The following NR1I2 variants were observed in gnomAD, a reference collection of about 807,000 sequenced individuals.
The protein encoded by NR1I2 is orphan nuclear receptor PAR1.
Under a neutral mutation model 43.3 loss-of-function variants are expected in NR1I2, and 42 were observed. That is an observed-to-expected ratio of 0.97 (90% CI 0.76 to 1.26). The LOEUF (loss-of-function observed/expected upper bound fraction) is 1.26. Among genes scored for constraint, NR1I2 ranks in the 50% most tolerant of loss-of-function variants. NR1I2 has a pLI of 0.00. For missense variants in NR1I2, 559 were observed against 566.7 expected, an observed-to-expected ratio of 0.99 and a Z score of 0.14; for synonymous variants, 229 against 215.0, an observed-to-expected ratio of 1.06 and a Z score of -0.57.
At chr3:119,802,919 C>T (rs1021090538) in intron 1 of NR1I2, 3 of 456,440 alleles carry the variant, frequency 6.6e-6, no homozygotes, top group African/African-American at 6.0e-5. Flanking sequence ...TTTATGTTTC[C>T]CCCAAATTCG....
At chr3:119,802,932 T>C (rs1184785013) in intron 1 of NR1I2, 1 of 456,554 alleles carries the variant, frequency 2.2e-6, no homozygotes, top group African/African-American at 2.0e-5. Flanking sequence ...CAAATTCGTA[T>C]GTTAAAATCC....
intron 8 of NR1I2, among the ~76,000 whole-genome samples, chr3:119,816,360 T>A (rs2055328100): frequency 1.3e-5 from 2 of 151,966 alleles, no homozygotes; most frequent in South Asian, 4.2e-4. Flanking sequence ...AGACACTAGA[T>A]CCAAAGCTAG....
At chr3:119,807,144 G>T in intron 1 of NR1I2, 85 bp from the exon 2 acceptor site, 1 of 1,198,072 alleles carries the variant, frequency 8.3e-7, no homozygotes, top group South Asian at 1.3e-5. Flanking sequence ...TGTGAGTGAT[G>T]CATAGAAGGG....
chr3:119,802,114 A>T (rs980522825), intron 1 of NR1I2, among the ~76,000 whole-genome samples: 2 of 152,128 alleles, frequency 1.3e-5, no homozygotes, highest in African/African-American at 2.4e-5. Context: ...AAGGGTGTGA[A>T]TCTTTCGGGG....
intron 1 of NR1I2, among the ~76,000 whole-genome samples, chr3:119,804,207 T>A (rs1458991843): frequency 2.7e-5 from 4 of 149,516 alleles, no homozygotes; most frequent in African/African-American, 9.7e-5. Context: ...CTGTCTCTAC[T>A]AAAAAAAATA....
chr3:119,790,462 A>G (rs1037800167), intron 1 of NR1I2, among the ~76,000 whole-genome samples: 3 of 152,130 alleles, frequency 2.0e-5, no homozygotes, highest in Non-Finnish European at 4.4e-5. Context: ...TTCTATTTCA[A>G]TTTTCTGAGA....
Position 119,815,790 on chromosome 3 carries a change from G to T in NR1I2, c.1119G>T (p.Leu373=), listed in dbSNP as rs1324813236. The T allele has an allele frequency of 1.2e-6, 2 of 1,613,568 alleles. No individual in the cohort carries two copies. The highest frequency in any genetic ancestry group is 1.7e-6 in the Non-Finnish European group (2 of 1,179,830). Reference sequence around the variant, plus strand: ...TGCAGGAGCAATTCGCCATTACTCTGAAGTCCTACATTGAATGCAATCGGC... The same window carrying T: ...TGCAGGAGCAATTCGCCATTACTCTTAAGTCCTACATTGAATGCAATCGGC... The change falls in exon 8 of 9, where the codon CTG becomes CTT. Residue 373 remains leucine (L), a synonymous_variant. Transcript: ENST00000393716.
chr3:119,816,961 C>A, intron 8 of NR1I2, 107 bp from the exon 9 acceptor site: 1 of 1,467,658 alleles, frequency 6.8e-7, no homozygotes, highest in Non-Finnish European at 9.5e-7. Flanking sequence ...TGTCTCTTGG[C>A]TGACCTGAAA....
intron 3 of NR1I2, 100 bp downstream of exon 3, chr3:119,810,294 G>C: frequency 6.7e-7 from 1 of 1,483,580 alleles, no homozygotes; most frequent in Non-Finnish European, 9.0e-7. Context: ...TGCGCGCCGA[G>C]TGTGCGCGTG....
At chr3:119,805,717 C>CAAAA (rs35156130) in intron 1 of NR1I2, among the ~76,000 whole-genome samples, 5 of 96,620 alleles carry the variant, frequency 5.2e-5, no homozygotes, top group Non-Finnish European at 1.0e-4. Context: ...TCCCCCCCAC[C>CAAAA]AAAAAAAAAA....
intron 5 of NR1I2, 133 bp from the exon 6 acceptor site, chr3:119,814,846 G>T: frequency 8.9e-7 from 1 of 1,124,640 alleles, no homozygotes; most frequent in Non-Finnish European, 1.3e-6. Context: ...AGCAGCCACA[G>T]TCATCCTCAG....
intron 1 of NR1I2, among the ~76,000 whole-genome samples, chr3:119,793,401 G>A (rs1400080667): frequency 6.6e-6 from 1 of 152,138 alleles, no homozygotes; most frequent in Non-Finnish European, 1.5e-5. Flanking sequence ...GAGTTACAGT[G>A]CAGCAGAGAG....
chr3:119,792,714 G>C (rs2054938115), intron 1 of NR1I2, among the ~76,000 whole-genome samples: 1 of 149,646 alleles, frequency 6.7e-6, no homozygotes, highest in South Asian at 2.1e-4. Flanking sequence ...TCTCAAAAAA[G>C]AAAAAAAAAA....
intron 4 of NR1I2, among the ~76,000 whole-genome samples, chr3:119,812,208 A>G (rs890383979): frequency 3.3e-5 from 5 of 152,274 alleles, no homozygotes; most frequent in East Asian, 3.9e-4. Context: ...ATCCCAGCAC[A>G]TTAACTATGT....
intron 1 of NR1I2, chr3:119,802,948 C>A (rs1305290817): frequency 4.4e-6 from 2 of 456,558 alleles, no homozygotes; most frequent in Non-Finnish European, 8.8e-6. Flanking sequence ...AATCCTCATC[C>A]CCAGTGTGAT....
At chr3:119,784,438 T>A (rs901749741) in intron 1 of NR1I2, among the ~76,000 whole-genome samples, 1 of 152,176 alleles carries the variant, frequency 6.6e-6, no homozygotes, top group African/African-American at 2.4e-5. Flanking sequence ...TTTTATTTAT[T>A]CTCAATGCAA....
At chr3:119,783,505 T>A (rs1423809546) in intron 1 of NR1I2, among the ~76,000 whole-genome samples, 1 of 152,120 alleles carries the variant, frequency 6.6e-6, no homozygotes, top group African/African-American at 2.4e-5. Context: ...ATATTAACTA[T>A]CTGGCCTTTA....
chr3:119,785,608 C>T (rs1038696979), intron 1 of NR1I2, among the ~76,000 whole-genome samples: 1 of 152,182 alleles, frequency 6.6e-6, no homozygotes, highest in Admixed American at 6.5e-5. Context: ...CAGGCTTTGT[C>T]TCCTATTCTA....
At position 119,795,060 on chromosome 3, in the gene NR1I2, C is replaced by A. The variant is rs111690006; in HGVS notation, c.-22-12169C>A. On this transcript the variant is annotated intron_variant, in intron 1 of 8. Coordinates refer to ENST00000393716, the MANE Select transcript of NR1I2 (RefSeq NM_003889.4). ...CACCTCTACTTGCCCATTGACTAAC[C>A]TGAACACCAGATGAAATTGCTCTTC... Among the ~76,000 whole-genome samples, 718 of 152,320 alleles carry A rather than the reference C, an allele frequency of 4.7e-3. 6 individuals are homozygous for A. The highest frequency in any genetic ancestry group is 0.016 in the African/African-American group (646 of 41,570).
Sources: gnomAD v4.1 joint callset for allele counts (sites outside exome capture counted in the v4.1 genomes callset) on GRCh38, gnomAD v4.1.1 for gene constraint, MANE v1.5 for transcripts, NCBI Gene and HGNC (gene_info 2026-07-23, HGNC 2026-07-21) for gene names.